PHF20L1: variants seen among roughly 807,000 people sequenced by gnomAD.
PHF20L1 encodes PHD finger protein 20-like protein 1.
A neutral mutation model predicts 125.5 loss-of-function variants in PHF20L1; 44 were observed. That is an observed-to-expected ratio of 0.35 (90% CI 0.28 to 0.45). The LOEUF is 0.45. Ranked by LOEUF, PHF20L1 falls within the 20% of genes least tolerant of loss-of-function variation. The pLI is 1.00. For missense variants in PHF20L1, 1,012 were observed against 1,217.2 expected, an observed-to-expected ratio of 0.83 and a Z score of 2.51; for synonymous variants, 380 against 403.1, an observed-to-expected ratio of 0.94 and a Z score of 0.69.
Position 132,846,635 on chromosome 8 carries a change from C to T in PHF20L1, c.*712C>T, listed in dbSNP as rs1274066534. 5 of 152,438 alleles carry T rather than the reference C, an allele frequency of 3.3e-5. No individual in the cohort carries two copies. The highest frequency in any genetic ancestry group is 5.9e-5 in the Non-Finnish European group (4 of 67,970). The allele number at this position is 152,438 out of a possible 1,614,324, so 9.4% of individuals were successfully genotyped here. On this transcript the variant is annotated 3_prime_UTR_variant, in exon 21 of 21. Transcript: ENST00000395386. Reference sequence around the variant, plus strand: ...TGGCTTGCAGAAGGGTCCGATGTGCCAAGTGATCATGATTCTGCTGGAAAG... The same window carrying T: ...TGGCTTGCAGAAGGGTCCGATGTGCTAAGTGATCATGATTCTGCTGGAAAG...
intron 7 of PHF20L1, among the ~76,000 whole-genome samples, chr8:132,804,311 A>G (rs1833429732): frequency 6.6e-6 from 1 of 151,306 alleles, no homozygotes; most frequent in Non-Finnish European, 1.5e-5. Flanking sequence ...TTTGTTTGAG[A>G]TTTTTTCTTT....
rs745635314 is a variant in PHF20L1, at chr8:132,842,683, G to A, written c.2556G>A (p.Met852Ile). The A allele has an allele frequency of 1.2e-6, 2 of 1,613,232 alleles. No homozygotes were observed. Among genetic ancestry groups the A allele is most frequent in the Non-Finnish European group, 1.7e-6 (2 of 1,179,574 alleles). The change falls in exon 19 of 21, where the codon ATG becomes ATA. Residue 852 changes from methionine to isoleucine, a missense_variant. Around this residue, in one of 7 missense-constraint regions of PHF20L1, gnomAD observed 277 missense variants for 283.6 expected, o/e 0.98. Transcript: ENST00000395386. The part of the protein sequence containing the change: ...HKEPPRLPLK[M>I]EGTYITSEHS... ...AACCACCTCGTTTGCCCCTAAAAAT[G>A]GAAGGAACTTATATAACAAGTGAGC...
intron 2 of PHF20L1, among the ~76,000 whole-genome samples, chr8:132,784,153 A>G (rs1455047406): frequency 6.6e-6 from 1 of 152,178 alleles, no homozygotes; most frequent in African/African-American, 2.4e-5. Context: ...AGGGACAGAG[A>G]AGACTTATTT....
At chr8:132,802,049 T>C (rs1833116823) in intron 6 of PHF20L1, among the ~76,000 whole-genome samples, 1 of 151,666 alleles carries the variant, frequency 6.6e-6, no homozygotes, top group Non-Finnish European at 1.5e-5. Context: ...TCTGCAAATG[T>C]ATGATCTCTG....
At chr8:132,785,143 A>T (rs1268216742) in intron 2 of PHF20L1, among the ~76,000 whole-genome samples, 3 of 152,130 alleles carry the variant, frequency 2.0e-5, no homozygotes, top group Non-Finnish European at 4.4e-5. Context: ...TGCTTATCTG[A>T]CATTTGGTTG....
intron 9 of PHF20L1, chr8:132,811,752 T>G: frequency 1.0e-6 from 1 of 984,916 alleles, no homozygotes; most frequent in Non-Finnish European, 1.2e-6. Context: ...CTGTGCATGC[T>G]TTTACATTCT....
chr8:132,837,942 C>T (rs773322588), intron 17 of PHF20L1, 131 bp downstream of exon 17: 37 of 650,388 alleles, frequency 5.7e-5, no homozygotes, highest in Non-Finnish European at 1.0e-4. Context: ...TTCTTGGAAA[C>T]TGTGACTCCA....
intron 2 of PHF20L1, among the ~76,000 whole-genome samples, chr8:132,791,389 G>A (rs1470260813): frequency 6.6e-6 from 1 of 151,786 alleles, no homozygotes; most frequent in Non-Finnish European, 1.5e-5. Flanking sequence ...GAGTAGCCGG[G>A]ATTACAGGCA....
In PHF20L1 at chr8:132,842,982, G is replaced by C. The variant is rs1431798697; in HGVS notation, c.2748+107G>C. On this transcript the variant is annotated intron_variant, in intron 19 of 20. Transcript: ENST00000395386. ...TCCCAGATTTTAGTTGTATTTCCAAGTTCCCCAGTACCTTGTTAAAGTAAG... is the reference window on the plus strand; with the variant it reads ...TCCCAGATTTTAGTTGTATTTCCAACTTCCCCAGTACCTTGTTAAAGTAAG... 9.5e-6 allele frequency: 14 copies of C among 1,470,712 alleles called. No homozygotes were observed. The East Asian group carries it at 3.2e-4, about 34-fold the overall frequency. The allele number at this position is 1,470,712 out of a possible 1,614,324, so 91.1% of individuals were successfully genotyped here.
At chr8:132,806,743 T>C (rs1769573164) in intron 8 of PHF20L1, 2 of 152,080 alleles carry the variant, frequency 1.3e-5, no homozygotes, top group Admixed American at 1.3e-4. Flanking sequence ...AATTTTGTTA[T>C]GGCATTATGG....
chr8:132,846,439 A>T lies in PHF20L1; in HGVS notation c.*516A>T, dbSNP rs528747135. On this transcript the variant is annotated 3_prime_UTR_variant, in exon 21 of 21. Coordinates refer to ENST00000395386, the MANE Select transcript of PHF20L1 (RefSeq NM_016018.5). The stretch of plus-strand genomic sequence containing the variant: ...TTTAGGGTATTTAAACTTTTAAAGG[A>T]TCATGAGCTGTTTCTTGGGCGATGA... 1 of 152,692 alleles carries T rather than the reference A, an allele frequency of 6.5e-6. No homozygotes were observed. The highest frequency in any genetic ancestry group is 1.9e-4 in the East Asian group (1 of 5,174). 9.5% of individuals were successfully genotyped at this position (152,692 alleles called of 1,614,324 possible). A position where few individuals can be genotyped will look rare whatever the true frequency, so the allele number is the denominator to read the frequency against.
In PHF20L1 at chr8:132,799,147, C is replaced by G. The variant is rs200752861; in HGVS notation, c.482C>G (p.Ser161Trp). The change falls in exon 6 of 21, where the codon TCG becomes TGG. Residue 161 changes from serine to tryptophan, a missense_variant. Physicochemically the swap from Ser to Trp is radical, Grantham distance 177. This residue lies in a region of PHF20L1 where 134 missense variants were observed against 145.9 expected (regional missense o/e 0.92). Coordinates refer to ENST00000395386, the MANE Select transcript of PHF20L1 (RefSeq NM_016018.5). The part of the protein sequence containing the change: ...SWCCPIDPAG[S>W]CNQSMGSEDW... ...TGTTGTCCTATCGACCCAGCTGGAT[C>G]GTGTAACCAGTCTATGGGAAGTGAG... is the stretch of plus-strand genomic sequence containing the variant. 6.2e-7 allele frequency: 1 copy of G among 1,609,092 alleles called. No homozygotes were observed. The highest frequency in any genetic ancestry group is 8.5e-7 in the Non-Finnish European group (1 of 1,176,798).
At chr8:132,812,137 G>A (rs1834462937) in intron 9 of PHF20L1, 2 of 979,558 alleles carry the variant, frequency 2.0e-6, no homozygotes, top group South Asian at 4.7e-5. Context: ...TCATCCAACG[G>A]TTAAGTCTTT....
chr8:132,830,089 AG>A (rs1304290456), intron 14 of PHF20L1, among the ~76,000 whole-genome samples: 1 of 152,078 alleles, frequency 6.6e-6, no homozygotes, highest in Non-Finnish European at 1.5e-5. Flanking sequence ...GTTAAAACCA[AG>A]GTATCAACAG....
At chr8:132,823,914 A>G (rs111446828) in intron 12 of PHF20L1, 90 bp from the exon 13 acceptor site, 4 of 711,334 alleles carry the variant, frequency 5.6e-6, no homozygotes, top group African/African-American at 5.6e-5. Context: ...AGTCTTACAT[A>G]GAGTTTTATG....
intron 6 of PHF20L1, 105 bp downstream of exon 6, chr8:132,799,277 T>C (rs1832765855): frequency 1.6e-6 from 1 of 626,192 alleles, no homozygotes; most frequent in South Asian, 2.2e-5. Flanking sequence ...AGTTCTTATC[T>C]TCTTCTTTCC....
chr8:132,801,466 T>TGTG (rs1833035949), intron 6 of PHF20L1, among the ~76,000 whole-genome samples: 1 of 151,736 alleles, frequency 6.6e-6, no homozygotes, highest in South Asian at 2.1e-4. Flanking sequence ...CACAGTGCCC[T>TGTG]TTTTAATGCA....
intron 12 of PHF20L1, among the ~76,000 whole-genome samples, chr8:132,819,199 ATAAG>A (rs1348605860): frequency 1.6e-4 from 25 of 152,090 alleles, no homozygotes; most frequent in African/African-American, 5.8e-4. Context: ...GAAAAGTAAA[ATAAG>A]TAAGATCGTT....
intron 13 of PHF20L1, chr8:132,824,997 C>T (rs1189863387): frequency 1.1e-5 from 15 of 1,379,702 alleles, no homozygotes; most frequent in African/African-American, 1.5e-5. Flanking sequence ...GAATATTACT[C>T]ATTGAAGGTT....
Sources: allele counts gnomAD v4.1 joint callset (sites outside exome capture counted in the v4.1 genomes callset), GRCh38; gene constraint gnomAD v4.1.1; regional missense constraint gnomAD v4.1.1; transcripts MANE v1.5; gene names NCBI Gene and HGNC (gene_info 2026-07-23, HGNC 2026-07-21).